The following CNKSR2 variants were observed in gnomAD, a reference collection of about 807,000 sequenced individuals.
CNKSR2 encodes connector enhancer of kinase suppressor of Ras 2.
In CNKSR2, 14 loss-of-function variants were observed where a neutral mutation model predicts 84.4. The observed-to-expected ratio is 0.17, with a 90% CI of 0.11 to 0.26. The LOEUF (loss-of-function observed/expected upper bound fraction) is 0.26. CNKSR2 is among the 10% of genes least tolerant of loss of function. The probability of loss-of-function intolerance (pLI) is 1.00; values close to 1 mark genes in which losing one functional copy is unlikely to be tolerated. For missense variants in CNKSR2, 485 were observed against 771.2 expected (o/e 0.63, Z 4.40); for synonymous variants, 275 against 277.9 (o/e 0.99, Z 0.10).
In CNKSR2 at chrX:21,643,628, G is replaced by GT. The variant is rs201906266; in HGVS notation, c.2693-5197dup. 870 of 111,321 alleles carry GT rather than the reference G, an allele frequency of 7.8e-3. 8 individuals carry two copies. The highest frequency in any genetic ancestry group is 0.027 in the African/African-American group (814 of 30,709). 9.2% of individuals were successfully genotyped at this position (111,321 alleles called of 1,213,427 possible). A position where few individuals can be genotyped will look rare whatever the true frequency, so the allele number is the denominator to read the frequency against. On this transcript the variant is annotated intron_variant, in intron 20 of 21. Transcript: ENST00000379510. Reference sequence around the variant, plus strand: ...TCAAACTGTTCTTTTAAGAGAAGGGGTTTTTTCTCACTAAAATAGACTTCT... The same window carrying GT: ...TCAAACTGTTCTTTTAAGAGAAGGGGTTTTTTTCTCACTAAAATAGACTTCT...
At chrX:21,568,170 C>T (rs1448892872) in intron 13 of CNKSR2, among the ~76,000 whole-genome samples, 3 of 110,753 alleles carry the variant, frequency 2.7e-5, no homozygotes, top group Admixed American at 9.6e-5. Flanking sequence ...CACCTATAGT[C>T]CCAGCTACTT....
At chrX:21,453,377 G>A (rs1370237502) in intron 4 of CNKSR2, among the ~76,000 whole-genome samples, 2 of 110,607 alleles carry the variant, frequency 1.8e-5, no homozygotes, top group Non-Finnish European at 3.8e-5. Context: ...ACAGAAGGAT[G>A]TGGGATTATG....
At chrX:21,560,282 G>A (rs1178907721) in intron 11 of CNKSR2, among the ~76,000 whole-genome samples, 1 of 110,691 alleles carries the variant, frequency 9.0e-6, no homozygotes, top group Admixed American at 9.6e-5. Flanking sequence ...AAACTGAAAG[G>A]CCAGACTCTC....
intron 1 of CNKSR2, among the ~76,000 whole-genome samples, chrX:21,378,984 T>C (rs778970274): frequency 1.8e-5 from 2 of 112,476 alleles, no homozygotes; most frequent in East Asian, 5.6e-4. Flanking sequence ...TCAAGAGGCA[T>C]TCTCTGACTT....
At chrX:21,417,783 G>T (rs1319034307) in intron 1 of CNKSR2, among the ~76,000 whole-genome samples, 1 of 110,807 alleles carries the variant, frequency 9.0e-6, no homozygotes, top group Non-Finnish European at 1.9e-5. Context: ...TTCAGTCTAT[G>T]TGTGTCTTTA....
intron 8 of CNKSR2, among the ~76,000 whole-genome samples, chrX:21,514,735 G>T (rs1177117931): frequency 1.8e-5 from 2 of 111,575 alleles, no homozygotes; most frequent in Non-Finnish European, 3.8e-5. Flanking sequence ...TTATTTGAGT[G>T]AATAATTAAG....
intron 8 of CNKSR2, among the ~76,000 whole-genome samples, chrX:21,510,236 A>C (rs1378846764): frequency 9.0e-6 from 1 of 111,357 alleles, no homozygotes; most frequent in Non-Finnish European, 1.9e-5. Context: ...TTGATAATGA[A>C]TCTGTTTCTT....
intron 20 of CNKSR2, among the ~76,000 whole-genome samples, chrX:21,636,735 T>A (rs2092673908): frequency 9.0e-6 from 1 of 111,189 alleles, no homozygotes. Context: ...GGTATACAAC[T>A]ATATCATAAT....
chrX:21,527,012 T>C lies in CNKSR2; in HGVS notation c.1091+12T>C, dbSNP rs763920799. On this transcript the variant is annotated intron_variant, in intron 10 of 21. Coordinates refer to ENST00000379510, the MANE Select transcript of CNKSR2 (RefSeq NM_014927.5). ...CCATATATTCCCAGGTATAAAACTATCACGTTGTCCTAGGCAGCTTCTAGC... is the reference window on the plus strand; with the variant it reads ...CCATATATTCCCAGGTATAAAACTACCACGTTGTCCTAGGCAGCTTCTAGC... The C allele has an allele frequency of 2.5e-6, 3 of 1,201,327 alleles. No homozygotes were observed. The highest frequency in any genetic ancestry group is 3.6e-5 in the South Asian group (2 of 56,268).
intron 5 of CNKSR2, among the ~76,000 whole-genome samples, chrX:21,482,240 C>T (rs1043266239): frequency 8.9e-6 from 1 of 112,187 alleles, no homozygotes; most frequent in African/African-American, 3.2e-5. Context: ...TATATTGCCT[C>T]CTAACTTATT....
intron 18 of CNKSR2, among the ~76,000 whole-genome samples, chrX:21,606,288 AT>A (rs2092516231): frequency 1.8e-5 from 2 of 112,299 alleles, no homozygotes; most frequent in African/African-American, 3.2e-5. Context: ...TGATTGTTAG[AT>A]AATCAGTGAA....
intron 4 of CNKSR2, among the ~76,000 whole-genome samples, chrX:21,442,918 A>G (rs773657517): frequency 7.2e-5 from 8 of 110,877 alleles, no homozygotes; most frequent in Middle Eastern, 4.6e-3. Context: ...ACCAAATACC[A>G]TATCTTCTCA....
At chrX:21,508,193 C>T (rs778416983) in intron 8 of CNKSR2, among the ~76,000 whole-genome samples, 21 of 111,144 alleles carry the variant, frequency 1.9e-4, no homozygotes, top group Non-Finnish European at 3.0e-4. Context: ...AGCCAAGTGT[C>T]GCAGCATGTG....
intron 17 of CNKSR2, among the ~76,000 whole-genome samples, chrX:21,599,872 A>G (rs1006164707): frequency 9.0e-6 from 1 of 111,384 alleles, no homozygotes; most frequent in African/African-American, 3.3e-5. Flanking sequence ...AACTTTTACT[A>G]ATGATTAGAG....
intron 10 of CNKSR2, among the ~76,000 whole-genome samples, chrX:21,528,657 A>G (rs1191020793): frequency 1.8e-5 from 2 of 111,425 alleles, no homozygotes; most frequent in Non-Finnish European, 3.8e-5. Context: ...TTGAAATATC[A>G]ACATAGTGAC....
intron 8 of CNKSR2, among the ~76,000 whole-genome samples, chrX:21,507,083 T>C (rs1255183969): frequency 9.1e-6 from 1 of 109,290 alleles, no homozygotes; most frequent in Non-Finnish European, 1.9e-5. Flanking sequence ...AATCAGTAGA[T>C]AACATTTAAC....
intron 10 of CNKSR2, among the ~76,000 whole-genome samples, chrX:21,527,582 T>G (rs2091847049): frequency 9.0e-6 from 1 of 111,100 alleles, no homozygotes; most frequent in Non-Finnish European, 1.9e-5. Flanking sequence ...CTAGATTTCT[T>G]GAGGCTGTAT....
intron 13 of CNKSR2, among the ~76,000 whole-genome samples, chrX:21,584,763 C>G (rs761464602): frequency 8.1e-5 from 9 of 111,077 alleles, no homozygotes; most frequent in Admixed American, 5.7e-4. Context: ...GTAGCTGGAA[C>G]AAAATTAGCA....
intron 11 of CNKSR2, chrX:21,537,943 T>A: frequency 9.0e-6 from 1 of 111,619 alleles, no homozygotes; most frequent in East Asian, 2.8e-4. Context: ...CTTCTCTTTT[T>A]GTTTTATCTT....
Sources: gnomAD v4.1 joint callset for allele counts (sites outside exome capture counted in the v4.1 genomes callset) on GRCh38, gnomAD v4.1.1 for gene constraint, MANE v1.5 for transcripts, NCBI Gene and HGNC (gene_info 2026-07-23, HGNC 2026-07-21) for gene names.